Variants in CNTN4 observed in about 807,000 individuals in gnomAD.
The protein encoded by CNTN4 is contactin 4, also known as contactin-4.
Under a neutral mutation model 122.5 loss-of-function variants are expected in CNTN4, and 77 were observed. The observed-to-expected ratio is 0.63, with a 90% CI of 0.52 to 0.76. The LOEUF is 0.76. Ranked by LOEUF, CNTN4 falls within the 30% of genes least tolerant of loss-of-function variation. The pLI is 0.00. For missense variants in CNTN4, 1,256 were observed against 1,259.1 expected (o/e 1.00, Z 0.04); for synonymous variants, 512 against 447.0 (o/e 1.15, Z -1.83).
chr3:2,592,284 G>T (rs184434922), intron 4 of CNTN4, among the ~76,000 whole-genome samples: 14 of 152,120 alleles, frequency 9.2e-5, no homozygotes, highest in African/African-American at 3.4e-4. Context: ...GAATATCTTC[G>T]AGACCTGTAC....
intron 7 of CNTN4, among the ~76,000 whole-genome samples, chr3:2,848,238 C>CA (rs924052391): frequency 2.6e-4 from 38 of 148,434 alleles, no homozygotes; most frequent in East Asian, 5.9e-4. Flanking sequence ...GACCCTGTCT[C>CA]AAAAAAAAAA....
chr3:2,871,292 T>C (rs1338559512), intron 8 of CNTN4, among the ~76,000 whole-genome samples: 1 of 152,344 alleles, frequency 6.6e-6, no homozygotes, highest in South Asian at 2.1e-4. Flanking sequence ...CAGAAGTATA[T>C]CATCAATAAC....
chr3:2,135,206 A>G (rs2034631522), intron 2 of CNTN4, among the ~76,000 whole-genome samples: 1 of 152,122 alleles, frequency 6.6e-6, no homozygotes, highest in African/African-American at 2.4e-5. Flanking sequence ...AGGAAGCCAG[A>G]TGAGATAAAG....
chr3:2,900,781 C>T lies in CNTN4; in HGVS notation c.1037C>T (p.Thr346Ile). ...ECKANGRPKP[T>I]YKWLKNGEPL... Reference sequence around the variant, plus strand: ...AAAGCAAATGGAAGGCCTAAGCCTACATACAAGTGGCTAAAAAATGGCGAA... The same window carrying T: ...AAAGCAAATGGAAGGCCTAAGCCTATATACAAGTGGCTAAAAAATGGCGAA... The change falls in exon 11 of 25, where the codon ACA (threonine) becomes ATA (isoleucine). Residue 346 changes from threonine (T) to isoleucine (I), a missense_variant. Thr to Ile is a moderately conservative substitution (Grantham distance 89). Coordinates refer to ENST00000418658, the MANE Select transcript of CNTN4 (RefSeq NM_175607.3). The T allele has an allele frequency of 6.2e-7, 1 of 1,613,950 alleles. No individual in the cohort carries two copies. The highest frequency in any genetic ancestry group is 8.5e-7 in the Non-Finnish European group (1 of 1,179,822).
intron 8 of CNTN4, among the ~76,000 whole-genome samples, chr3:2,871,145 T>C (rs1263964921): frequency 6.6e-6 from 1 of 152,226 alleles, no homozygotes; most frequent in African/African-American, 2.4e-5. Flanking sequence ...CCACCATTTA[T>C]TAGCCACGTG....
At chr3:2,654,920 G>A (rs1014487207) in intron 4 of CNTN4, among the ~76,000 whole-genome samples, 1 of 152,076 alleles carries the variant, frequency 6.6e-6, no homozygotes, top group Non-Finnish European at 1.5e-5. Flanking sequence ...TTGACTCCTT[G>A]ACATCTTACA....
intron 3 of CNTN4, among the ~76,000 whole-genome samples, chr3:2,481,724 A>C (rs1254654889): frequency 6.6e-6 from 1 of 152,062 alleles, no homozygotes; most frequent in Non-Finnish European, 1.5e-5. Context: ...GGAGGTAATT[A>C]AATCATGGGG....
chr3:2,820,621 A>G (rs918318074), intron 7 of CNTN4, among the ~76,000 whole-genome samples: 4 of 152,114 alleles, frequency 2.6e-5, no homozygotes, highest in African/African-American at 7.2e-5. Context: ...TCCTCTGACA[A>G]CCAATCAAGG....
At chr3:2,127,674 G>A (rs1318729240) in intron 2 of CNTN4, among the ~76,000 whole-genome samples, 1 of 152,032 alleles carries the variant, frequency 6.6e-6, no homozygotes, top group Admixed American at 6.6e-5. Flanking sequence ...TTCCATATTG[G>A]AAATATATGC....
chr3:2,554,595 G>A (rs1001393044), intron 3 of CNTN4, among the ~76,000 whole-genome samples: 27 of 152,058 alleles, frequency 1.8e-4, no homozygotes, highest in Non-Finnish European at 2.9e-4. Context: ...AAGTGGGTAG[G>A]TAGTAAATAT....
intron 7 of CNTN4, among the ~76,000 whole-genome samples, chr3:2,849,606 T>C (rs1052602952): frequency 3.9e-5 from 6 of 152,182 alleles, no homozygotes; most frequent in African/African-American, 1.4e-4. Context: ...ACTTCTCCAC[T>C]GAAGTTGAGC....
At chr3:2,499,345 T>C (rs2076534567) in intron 3 of CNTN4, among the ~76,000 whole-genome samples, 1 of 152,204 alleles carries the variant, frequency 6.6e-6, no homozygotes, top group African/African-American at 2.4e-5. Flanking sequence ...TTAGTTTGAC[T>C]ACTAATGGAT....
intron 13 of CNTN4, among the ~76,000 whole-genome samples, chr3:2,943,628 A>ATTT (rs1231116494): frequency 0.047 from 2,852 of 60,860 alleles, 49 homozygotes; most frequent in Middle Eastern, 0.11. Flanking sequence ...ATATATATAT[A>ATTT]TATTTTTTTT....
At chr3:2,421,186 C>A (rs1261593525) in intron 3 of CNTN4, among the ~76,000 whole-genome samples, 1 of 152,026 alleles carries the variant, frequency 6.6e-6, no homozygotes, top group Non-Finnish European at 1.5e-5. Context: ...ACAAGCAATG[C>A]CTTCTTGTGA....
chr3:2,972,878 T>G (rs1693066437), intron 13 of CNTN4, among the ~76,000 whole-genome samples: 1 of 151,076 alleles, frequency 6.6e-6, no homozygotes, highest in African/African-American at 2.5e-5. Context: ...TCTTCTGCTT[T>G]GCCACCAAGA....
chr3:2,438,239 G>A (rs1359913569), intron 3 of CNTN4, among the ~76,000 whole-genome samples: 1 of 152,036 alleles, frequency 6.6e-6, no homozygotes, highest in African/African-American at 2.4e-5. Flanking sequence ...GTGTTATTTG[G>A]CTGGGCACGG....
At chr3:2,201,041 G>C (rs2038073937) in intron 2 of CNTN4, among the ~76,000 whole-genome samples, 1 of 152,120 alleles carries the variant, frequency 6.6e-6, no homozygotes, top group Non-Finnish European at 1.5e-5. Flanking sequence ...TTTTTTCCCT[G>C]AGAAATGCCA....
At chr3:2,529,872 C>G (rs1309166164) in intron 3 of CNTN4, among the ~76,000 whole-genome samples, 1 of 152,100 alleles carries the variant, frequency 6.6e-6, no homozygotes, top group Non-Finnish European at 1.5e-5. Flanking sequence ...ATCTTGAAAT[C>G]CTAATCCTTT....
At chr3:2,143,700 T>A (rs1365872530) in intron 2 of CNTN4, among the ~76,000 whole-genome samples, 1 of 152,224 alleles carries the variant, frequency 6.6e-6, no homozygotes, top group East Asian at 1.9e-4. Flanking sequence ...TATTATTATC[T>A]CTGATTTGTA....
Sources: gnomAD v4.1 joint callset for allele counts (sites outside exome capture counted in the v4.1 genomes callset) on GRCh38, gnomAD v4.1.1 for gene constraint, MANE v1.5 for transcripts, NCBI Gene and HGNC (gene_info 2026-07-23, HGNC 2026-07-21) for gene names.